Variants in ENTPD3 observed in about 807,000 individuals in gnomAD.
ENTPD3 encodes the protein ectonucleoside triphosphate diphosphohydrolase 3.
A neutral mutation model predicts 51.2 loss-of-function variants in ENTPD3; 60 were observed. The observed-to-expected ratio is 1.17, with a 90% CI of 0.95 to 1.45. ENTPD3 has a LOEUF of 1.45. Among genes scored for constraint, ENTPD3 ranks in the 40% most tolerant of loss-of-function variants. The pLI, the probability that ENTPD3 is intolerant of heterozygous loss-of-function variation, is 0.00. For synonymous variants in ENTPD3, 221 were observed against 238.4 expected, an observed-to-expected ratio of 0.93 and a Z score of 0.67; for missense variants, 593 against 641.1, an observed-to-expected ratio of 0.93 and a Z score of 0.81.
In ENTPD3 at chr3:40,392,164, G is replaced by C; in HGVS notation, c.168+14G>C. ...CCAGGACTGAAGGTAAGTGTGAAGG[G>C]ACTGGCAACAAAGGGAAGAAATGAG... On this transcript the variant is annotated intron_variant, in intron 3 of 10. Transcript: ENST00000301825. 1 of 1,612,708 alleles carries C rather than the reference G, an allele frequency of 6.2e-7. No homozygotes were observed. The highest frequency in any genetic ancestry group is 8.5e-7 in the Non-Finnish European group (1 of 1,179,146).
At chr3:40,399,043 G>A (rs986462979) in intron 3 of ENTPD3, among the ~76,000 whole-genome samples, 5 of 152,062 alleles carry the variant, frequency 3.3e-5, no homozygotes, top group South Asian at 2.1e-4. Flanking sequence ...GAAACATGGC[G>A]AAACCCTGTC....
At chr3:40,400,804 A>T in intron 3 of ENTPD3, 90 bp from the exon 4 acceptor site, 1 of 889,848 alleles carries the variant, frequency 1.1e-6, no homozygotes, top group Non-Finnish European at 1.8e-6. Context: ...AGTGTGGATT[A>T]AGGTACTCAG....
In ENTPD3 at chr3:40,427,659, C is replaced by T. The variant is rs893607325; in HGVS notation, c.*151C>T. On this transcript the variant is annotated 3_prime_UTR_variant, in exon 11 of 11. Transcript: ENST00000301825. ...GCCTCTCAAATACTGATTTCTGCCA[C>T]AGCACCTCTTGAGGCATCCCTTGGC... The T allele has an allele frequency of 1.1e-5, 7 of 639,368 alleles. No homozygotes were observed. The African/African-American group carries it at 1.3e-4, about 12-fold the overall frequency. 39.6% of individuals were successfully genotyped at this position (639,368 alleles called of 1,614,324 possible). A position where few individuals can be genotyped will look rare whatever the true frequency, so the allele number is the denominator to read the frequency against.
intron 7 of ENTPD3, among the ~76,000 whole-genome samples, chr3:40,420,241 C>CT (rs879525041): frequency 0.05 from 7,036 of 140,776 alleles, 414 homozygotes; most frequent in African/African-American, 0.15. Flanking sequence ...TTCTTTTTTT[C>CT]TTTTTTTTTT....
Position 40,388,042 on chromosome 3 carries a change from G to A in ENTPD3, c.-12-4G>A. On this transcript the variant is annotated splice_region_variant and splice_polypyrimidine_tract_variant and intron_variant, in intron 1 of 10. Coordinates refer to ENST00000301825, the MANE Select transcript of ENTPD3 (RefSeq NM_001248.4). ...ACTGACATCCTGTATTCTCTCACCT[G>A]CAGCTAGGAGAAAAGATGTTCACTG... 3.7e-6 allele frequency: 6 copies of A among 1,613,664 alleles called. No individual in the cohort carries two copies. Among genetic ancestry groups the A allele is most frequent in the Non-Finnish European group, 5.1e-6 (6 of 1,179,642 alleles).
At chr3:40,392,591 A>AT (rs921152486) in intron 3 of ENTPD3, 3 of 155,050 alleles carry the variant, frequency 1.9e-5, no homozygotes, top group African/African-American at 7.4e-5. Flanking sequence ...AAAAAAAAAA[A>AT]ATTTACCGGT....
intron 4 of ENTPD3, among the ~76,000 whole-genome samples, chr3:40,406,809 T>C (rs531051735): frequency 6.6e-6 from 1 of 152,282 alleles, no homozygotes; most frequent in South Asian, 2.1e-4. Context: ...CACTTGGCCT[T>C]TTCCCTTGCC....
At chr3:40,397,061 G>T (rs1955218027) in intron 3 of ENTPD3, among the ~76,000 whole-genome samples, 1 of 148,894 alleles carries the variant, frequency 6.7e-6, no homozygotes, top group South Asian at 2.1e-4. Flanking sequence ...TGGATTTCTG[G>T]TGCCTTGTAG....
intron 3 of ENTPD3, chr3:40,394,324 G>T: frequency 3.0e-6 from 1 of 334,598 alleles, no homozygotes; most frequent in South Asian, 2.3e-5. Context: ...GTTTCACCGT[G>T]TTGACCAGGC....
In ENTPD3 at chr3:40,423,897, C is replaced by G; in HGVS notation, c.1287C>G (p.Tyr429Ter). The G allele has an allele frequency of 6.2e-7, 1 of 1,614,156 alleles. No individual in the cohort carries two copies. Among genetic ancestry groups the G allele is most frequent in the South Asian group, 1.1e-5 (1 of 91,074 alleles). Reference protein sequence around the residue: ...RSYCFSANYIYHLFVNGYKFT... With the variant: ...RSYCFSANYI ...ACTGCTTCTCAGCCAACTACATCTA[C>G]CACTTGTTTGTGAACGGTTACAAAT... The change falls in exon 10 of 11, where the codon TAC (tyrosine) becomes TAG (stop). Residue 429 changes from tyrosine to a stop codon, truncating the protein, a stop_gained. Transcript: ENST00000301825. LOFTEE classifies it high-confidence loss of function.
Position 40,422,906 on chromosome 3 carries a change from C to T in ENTPD3, c.888C>T (p.Ile296=). ...CCTGTTACCCTCGGGATTATAGCAT[C>T]AGCTTCACCATGGGCCATGTATTTG... The part of the protein sequence containing the change: ...TNPCYPRDYS[I]SFTMGHVFDS... Residue 296 remains isoleucine (I), a synonymous_variant, in exon 8 of 11, where the codon ATC becomes ATT. Coordinates refer to ENST00000301825, the MANE Select transcript of ENTPD3 (RefSeq NM_001248.4). 1.2e-6 allele frequency: 2 copies of T among 1,613,978 alleles called. No individual in the cohort carries two copies. The highest frequency in any genetic ancestry group is 2.2e-5 in the South Asian group (2 of 91,062).
At chr3:40,402,538 AT>A (rs1955388722) in intron 4 of ENTPD3, among the ~76,000 whole-genome samples, 2 of 151,922 alleles carry the variant, frequency 1.3e-5, no homozygotes, top group South Asian at 4.1e-4. Flanking sequence ...TCTTTTGTTC[AT>A]TTTTCTATTG....
In ENTPD3 at chr3:40,387,943, T is replaced by C. The variant is rs17078798; in HGVS notation, c.-12-103T>C. ...ACCTTTCCCGGGATGAGGTTTTGAT[T>C]TGGAGGAAGTAAAATGGGTTTTGTC... is the stretch of plus-strand genomic sequence containing the variant. On this transcript the variant is annotated intron_variant, in intron 1 of 10. Transcript: ENST00000301825. 0.029 allele frequency: 26,108 copies of C among 898,502 alleles called. 3,150 individuals are homozygous for C. The African/African-American group carries it at 0.31, about 11-fold the overall frequency. 55.7% of individuals were successfully genotyped at this position (898,502 alleles called of 1,614,324 possible).
At chr3:40,420,531 G>A (rs1486618318) in intron 7 of ENTPD3, among the ~76,000 whole-genome samples, 5 of 151,930 alleles carry the variant, frequency 3.3e-5, no homozygotes, top group Admixed American at 1.3e-4. Flanking sequence ...GAGCCACCAC[G>A]CCCCGCATAT....
chr3:40,402,564 TCTTA>T (rs1161451745), intron 4 of ENTPD3, among the ~76,000 whole-genome samples: 9 of 152,236 alleles, frequency 5.9e-5, no homozygotes, highest in East Asian at 5.8e-4. Flanking sequence ...GTTGAATTTT[TCTTA>T]CTAATTCATT....
Position 40,423,822 on chromosome 3 carries a change from T to A in ENTPD3, c.1216-4T>A. 6.2e-7 allele frequency: 1 copy of A among 1,613,992 alleles called. No homozygotes were observed. Among genetic ancestry groups the A allele is most frequent in the Non-Finnish European group, 8.5e-7 (1 of 1,179,910 alleles). ...CTGCCTCTCAGATGTTTTAAACCTT[T>A]CAGCTCCCACTGCTGCTCCCCAAAT... On this transcript the variant is annotated splice_region_variant and splice_polypyrimidine_tract_variant and intron_variant, in intron 9 of 10. Coordinates refer to ENST00000301825, the MANE Select transcript of ENTPD3 (RefSeq NM_001248.4).
chr3:40,407,568 G>C (rs1955533100), intron 4 of ENTPD3, among the ~76,000 whole-genome samples: 1 of 152,088 alleles, frequency 6.6e-6, no homozygotes, highest in Non-Finnish European at 1.5e-5. Flanking sequence ...CGGGAGTTCG[G>C]GGGAGGGGGA....
chr3:40,412,043 A>G (rs1256919225), intron 5 of ENTPD3, 81 bp downstream of exon 5: 5 of 1,342,382 alleles, frequency 3.7e-6, no homozygotes, highest in East Asian at 2.8e-5. Flanking sequence ...ATGTAACTCT[A>G]TTTCTGGGAA....
At chr3:40,405,108 A>G (rs1165260093) in intron 4 of ENTPD3, among the ~76,000 whole-genome samples, 1 of 152,112 alleles carries the variant, frequency 6.6e-6, no homozygotes, top group Non-Finnish European at 1.5e-5. Context: ...TAAACCAGTG[A>G]CTAAAAATTA....
Sources: allele counts gnomAD v4.1 joint callset (sites outside exome capture counted in the v4.1 genomes callset), GRCh38; gene constraint gnomAD v4.1.1; transcripts MANE v1.5; gene names NCBI Gene and HGNC (gene_info 2026-07-23, HGNC 2026-07-21).